The following WNT5A variants were observed in gnomAD, a reference collection of about 807,000 sequenced individuals.
WNT5A encodes protein Wnt-5a.
In WNT5A, 9 loss-of-function variants were observed where a neutral mutation model predicts 42.1. That is an observed-to-expected ratio of 0.21 (90% CI 0.13 to 0.37). WNT5A has a LOEUF of 0.37. WNT5A is among the 10% of genes least tolerant of loss of function. The pLI is 1.00. For synonymous variants in WNT5A, 210 were observed against 210.0 expected (o/e 1.00, Z 0.00); for missense variants, 426 against 534.0 (o/e 0.80, Z 1.99).
chr3:55,505,005 C>G, the WNT5A span, among the ~76,000 whole-genome samples: 1 of 137,264 alleles, frequency 7.3e-6, no homozygotes, highest in African/African-American at 2.8e-5. Context: ...AGATTTGTTC[C>G]TGTAGCAGCA....
intron 1 of WNT5A, among the ~76,000 whole-genome samples, chr3:55,481,875 C>A (rs1022616225): frequency 1.3e-5 from 2 of 152,190 alleles, no homozygotes; most frequent in Non-Finnish European, 2.9e-5. Flanking sequence ...CAGCTTTCTC[C>A]CAAATTCTGA....
At chr3:55,488,229 G>GGGCGGCGGA (rs1215954666), upstream of WNT5A, 1 of 152,336 alleles carries the variant, frequency 6.6e-6, no homozygotes, top group African/African-American at 2.4e-5. Context: ...CCCCGGCTCT[G>GGGCGGCGGA]GGCGGCGGAG....
chr3:55,470,324 G>A lies in WNT5A; in HGVS notation c.911C>T (p.Pro304Leu), dbSNP rs757813200. 2 of 1,613,964 alleles carry A rather than the reference G, an allele frequency of 1.2e-6. No individual in the cohort carries two copies. The highest frequency in any genetic ancestry group is 1.3e-5 in the African/African-American group (1 of 74,960). The change falls in exon 5 of 5, where the codon CCC becomes CTC. Residue 304 changes from proline to leucine, a missense_variant. By Grantham distance (98) the Pro-to-Leu change is moderately conservative. Transcript: ENST00000264634. ...PTTQDLVYID[P>L]SPDYCVRNES... ...ATTGCGCACGCAGTAGTCAGGGCTG[G>A]GGTCGATGTAGACCAGGTCTTGTGT...
In WNT5A at chr3:55,468,037, A is replaced by AG. The variant is rs1267395607; in HGVS notation, c.*2054dup. On this transcript the variant is annotated 3_prime_UTR_variant, in exon 5 of 5. Transcript: ENST00000264634. ...GGTGATATGAAAGCCAACCTGCCTA[A>AG]GGGGGGTATGAAAGATGTGTATCTT... 2 of 151,736 alleles carry AG rather than the reference A, an allele frequency of 1.3e-5. No homozygotes were observed. Among genetic ancestry groups the AG allele is most frequent in the African/African-American group, 2.4e-5 (1 of 41,366 alleles). The allele number at this position is 151,736 out of a possible 1,614,324, so 9.4% of individuals were successfully genotyped here.
At chr3:55,502,083 T>C in the WNT5A span, among the ~76,000 whole-genome samples, 1 of 152,186 alleles carries the variant, frequency 6.6e-6, no homozygotes, top group Admixed American at 6.5e-5. Context: ...AGTGGCCACT[T>C]CTGGATTTGT....
At chr3:55,488,528 C>T (rs1258214318), upstream of WNT5A, among the ~76,000 whole-genome samples, 1 of 151,868 alleles carries the variant, frequency 6.6e-6, no homozygotes, top group Non-Finnish European at 1.5e-5. Context: ...CTCAACTTTG[C>T]TATGCGCATG....
upstream of WNT5A, among the ~76,000 whole-genome samples, chr3:55,494,648 C>T (rs2051696134): frequency 6.6e-6 from 1 of 152,162 alleles, no homozygotes; most frequent in African/African-American, 2.4e-5. Flanking sequence ...AAGTGATTCT[C>T]CTGCCTCAGC....
At position 55,466,591 on chromosome 3, in the gene WNT5A, T is replaced by C. The variant is rs1332113567; in HGVS notation, c.*3501A>G. On this transcript the variant is annotated 3_prime_UTR_variant, in exon 5 of 5. Transcript: ENST00000264634. ...TGGATTAAAACTTAAAAGTCTTCTT[T>C]CTATTTGAGCCCATAATGACTATTT... 1 of 152,572 alleles carries C rather than the reference T, an allele frequency of 6.6e-6. No homozygotes were observed. 9.5% of individuals were successfully genotyped at this position (152,572 alleles called of 1,614,324 possible).
chr3:55,483,146 G>A lies in WNT5A; in HGVS notation c.7-2228C>T, dbSNP rs1199193280. On this transcript the variant is annotated intron_variant, in intron 1 of 4. Transcript: ENST00000264634. The surrounding 1 kb of genome is among the most constrained non-coding windows in gnomAD (Gnocchi z 4.2). ...CCCACTCCCAGCCCGAAGCCCCCAG[G>A]GAGAGTCCACCAGTTCCCAGAGCCC... Among the ~76,000 whole-genome samples, 1 of 152,144 alleles carries A rather than the reference G, an allele frequency of 6.6e-6. No homozygotes were observed. The highest frequency in any genetic ancestry group is 1.5e-5 in the Non-Finnish European group (1 of 68,030).
upstream of WNT5A, chr3:55,490,062 T>C (rs544431820): frequency 6.6e-6 from 1 of 152,384 alleles, no homozygotes; most frequent in East Asian, 1.9e-4. Context: ...AGTGGCAGGA[T>C]ATGAGCTGAC....
rs1302839364 is a variant in WNT5A, at chr3:55,467,703, T to C, written c.*2389A>G. ...AAGACAGAAATATGTACATTAAAAG[T>C]ACAGAATAAAGGCTAGAAGATATAC... On this transcript the variant is annotated 3_prime_UTR_variant, in exon 5 of 5. Transcript: ENST00000264634. 6.6e-6 allele frequency: 1 copy of C among 152,562 alleles called. No homozygotes were observed. Among genetic ancestry groups the C allele is most frequent in the African/African-American group, 2.4e-5 (1 of 41,438 alleles). 9.5% of individuals were successfully genotyped at this position (152,562 alleles called of 1,614,324 possible).
Position 55,486,470 on chromosome 3 carries a change from G to A in WNT5A, c.6+510C>T, listed in dbSNP as rs1291305572. ...CTCCGTCGGTGCGGGGGGGTGTCGGGGAAGGTGTACGCCGCTCTGGAGTAG... is the reference window on the plus strand; with the variant it reads ...CTCCGTCGGTGCGGGGGGGTGTCGGAGAAGGTGTACGCCGCTCTGGAGTAG... On this transcript the variant is annotated intron_variant, in intron 1 of 4. Transcript: ENST00000264634. Among the ~76,000 whole-genome samples the A allele has an allele frequency of 3.9e-5, 6 of 152,320 alleles. No individual in the cohort carries two copies. In the East Asian group the frequency reaches 1.2e-3, roughly 29 times the overall value.
rs972291188 is a variant in WNT5A, at chr3:55,483,388, C to T, written c.7-2470G>A. Among the ~76,000 whole-genome samples, 4 of 152,110 alleles carry T rather than the reference C, an allele frequency of 2.6e-5. 1 individual carries two copies. Among genetic ancestry groups the T allele is most frequent in the Admixed American group, 2.0e-4 (3 of 15,270 alleles). ...AAAGGCCCCACAAGTTTGAGACACT[C>T]AAAGAACTCACAGCGAACTCACACA... On this transcript the variant is annotated intron_variant, in intron 1 of 4. Transcript: ENST00000264634. This position sits in a 1 kb window ranked among gnomAD's most constrained non-coding sequence, Gnocchi z 4.2.
the WNT5A span, among the ~76,000 whole-genome samples, chr3:55,503,309 T>A: frequency 6.6e-6 from 1 of 152,228 alleles, no homozygotes; most frequent in Non-Finnish European, 1.5e-5. Flanking sequence ...ACCTATCATT[T>A]CCATTTGTTC....
At chr3:55,482,523 C>A (rs1363012582) in intron 1 of WNT5A, among the ~76,000 whole-genome samples, 1 of 152,202 alleles carries the variant, frequency 6.6e-6, no homozygotes, top group African/African-American at 2.4e-5. Flanking sequence ...ACCTAGGCAG[C>A]CCTGGTAAAG....
chr3:55,482,431 C>CAGAAA (rs990782927), intron 1 of WNT5A, among the ~76,000 whole-genome samples: 1 of 152,122 alleles, frequency 6.6e-6, no homozygotes, highest in Non-Finnish European at 1.5e-5. Flanking sequence ...GCCCCTTCCA[C>CAGAAA]AGAAAAGAAA....
At chr3:55,487,848 G>C, upstream of WNT5A, 2 of 152,284 alleles carry the variant, frequency 1.3e-5, 1 homozygote. Context: ...AGCAAAATAG[G>C]TGAAAGTCGC....
the WNT5A span, among the ~76,000 whole-genome samples, chr3:55,503,463 T>A: frequency 6.6e-6 from 1 of 152,208 alleles, no homozygotes; most frequent in East Asian, 1.9e-4. Flanking sequence ...CAAGGATTAC[T>A]TATTTGGCAT....
chr3:55,476,272 C>G (rs2051355278), intron 3 of WNT5A, among the ~76,000 whole-genome samples: 1 of 152,158 alleles, frequency 6.6e-6, no homozygotes, highest in Non-Finnish European at 1.5e-5. Flanking sequence ...ATATATCCTC[C>G]CCCTCCCATA....
Sources: allele counts gnomAD v4.1 joint callset (sites outside exome capture counted in the v4.1 genomes callset), GRCh38; gene constraint gnomAD v4.1.1; non-coding constraint Gnocchi (gnomAD v3.1); transcripts MANE v1.5; gene names NCBI Gene and HGNC (gene_info 2026-07-23, HGNC 2026-07-21).